CYP2J2: variants seen among roughly 807,000 people sequenced by gnomAD.
CYP2J2 encodes the protein cytochrome P450 family 2 subfamily J member 2, also known as cytochrome P450 2J2.
In CYP2J2, 41 loss-of-function variants were observed where a neutral mutation model predicts 48.8. That is an observed-to-expected ratio of 0.84 (90% CI 0.66 to 1.09). The LOEUF is 1.09. CYP2J2 is among the 50% of genes least tolerant of loss of function. The pLI, the probability that CYP2J2 is intolerant of heterozygous loss-of-function variation, is 0.00. For synonymous variants in CYP2J2, 221 were observed against 227.1 expected, an observed-to-expected ratio of 0.97 and a Z score of 0.24; for missense variants, 644 against 617.3, an observed-to-expected ratio of 1.04 and a Z score of -0.46.
intron 2 of CYP2J2, 119 bp from the exon 3 acceptor site, chr1:59,912,430 C>G: frequency 9.2e-7 from 1 of 1,084,560 alleles, no homozygotes; most frequent in Non-Finnish European, 1.3e-6. Context: ...CACTTGAAAA[C>G]TGCCCAGAGA....
At chr1:59,903,012 G>T (rs537522736) in intron 7 of CYP2J2, among the ~76,000 whole-genome samples, 3 of 152,320 alleles carry the variant, frequency 2.0e-5, no homozygotes, top group African/African-American at 4.8e-5. Flanking sequence ...ACAAAAATCA[G>T]CAGCAGCAGA....
In CYP2J2 at chr1:59,907,764, G is replaced by T. The variant is rs1432625510; in HGVS notation, c.1003+22C>A. ...GAGGCACTATTCTGTCCTGGTTCAG[G>T]CTTACTCACTGACATGCTCACCTTG... On this transcript the variant is annotated intron_variant, in intron 6 of 8. Transcript: ENST00000371204. 1.9e-6 allele frequency: 3 copies of T among 1,613,402 alleles called. No homozygotes were observed. In the African/African-American group the frequency reaches 4.0e-5, roughly 22 times the overall value.
intron 8 of CYP2J2, among the ~76,000 whole-genome samples, chr1:59,894,827 G>C (rs1183603858): frequency 3.3e-5 from 5 of 152,124 alleles, no homozygotes; most frequent in Non-Finnish European, 5.9e-5. Flanking sequence ...AAAAACAGGA[G>C]AATACAATTT....
At chr1:59,937,555 C>T in the CYP2J2 span, among the ~76,000 whole-genome samples, 1 of 152,146 alleles carries the variant, frequency 6.6e-6, no homozygotes, top group Non-Finnish European at 1.5e-5. Context: ...ATCTGCTTAG[C>T]GTTCTATAAT....
intron 1 of CYP2J2, among the ~76,000 whole-genome samples, chr1:59,924,217 AGAAATGAAGGT>A (rs1644543402): frequency 6.6e-6 from 1 of 152,200 alleles, no homozygotes; most frequent in Non-Finnish European, 1.5e-5. Flanking sequence ...AATATACTTC[AGAAATGAAGGT>A]GAAATAAATA....
chr1:59,895,598 C>T (rs895051470), intron 8 of CYP2J2, among the ~76,000 whole-genome samples: 2 of 152,032 alleles, frequency 1.3e-5, no homozygotes, highest in Non-Finnish European at 2.9e-5. Context: ...GTGATCCATT[C>T]TTTTCCATTG....
the CYP2J2 span, among the ~76,000 whole-genome samples, chr1:59,952,307 C>CT: frequency 0.1 from 13,939 of 139,794 alleles, 1,591 homozygotes; most frequent in African/African-American, 0.28. Context: ...TATGCGTATG[C>CT]TTTTTTTTTT....
chr1:59,957,066 C>A, the CYP2J2 span, among the ~76,000 whole-genome samples: 2 of 152,110 alleles, frequency 1.3e-5, no homozygotes, highest in Admixed American at 6.5e-5. Context: ...CATGACAGAG[C>A]CCCCCACTTG....
intron 3 of CYP2J2, among the ~76,000 whole-genome samples, 184 bp from the exon 4 acceptor site, chr1:59,911,952 T>C (rs1000567188): frequency 6.6e-6 from 1 of 152,244 alleles, no homozygotes; most frequent in African/African-American, 2.4e-5. Context: ...GAAGTCAAAC[T>C]GCGGACCAGG....
At chr1:59,949,743 G>A in the CYP2J2 span, among the ~76,000 whole-genome samples, 4 of 148,324 alleles carry the variant, frequency 2.7e-5, no homozygotes, top group East Asian at 2.0e-4. Context: ...ATTTTATTGA[G>A]TGGAAGTAGC....
intron 8 of CYP2J2, among the ~76,000 whole-genome samples, chr1:59,896,188 C>T (rs887345578): frequency 2.0e-5 from 3 of 152,022 alleles, no homozygotes; most frequent in Non-Finnish European, 4.4e-5. Flanking sequence ...ATTAGGCATG[C>T]TCATTGCTCT....
intron 6 of CYP2J2, among the ~76,000 whole-genome samples, chr1:59,906,188 A>G (rs977904747): frequency 2.0e-5 from 3 of 152,138 alleles, no homozygotes; most frequent in African/African-American, 7.2e-5. Context: ...AAAAGAATAT[A>G]TTTTCCAGGT....
chr1:59,956,369 T>C, the CYP2J2 span, among the ~76,000 whole-genome samples: 1 of 152,142 alleles, frequency 6.6e-6, no homozygotes, highest in African/African-American at 2.4e-5. Context: ...GAAATTATAG[T>C]GTGCTCCTGA....
chr1:59,908,208 T>TG lies in CYP2J2; in HGVS notation c.862-282dup, dbSNP rs1199923637. ...AGCTTTTAGTACAGTGAAAGGAGAA[T>TG]GGGATGTGAACGAGACAGATTTGGC... is the stretch of plus-strand genomic sequence containing the variant. On this transcript the variant is annotated intron_variant, in intron 5 of 8. Coordinates refer to ENST00000371204, the MANE Select transcript of CYP2J2 (RefSeq NM_000775.4). Among the ~76,000 whole-genome samples the TG allele has an allele frequency of 1.2e-4, 19 of 152,242 alleles. 1 individual carries two copies. The highest frequency in any genetic ancestry group is 3.4e-3 in the Middle Eastern group (1 of 294).
intron 1 of CYP2J2, among the ~76,000 whole-genome samples, chr1:59,916,675 A>G (rs1241525749): frequency 1.3e-5 from 2 of 152,108 alleles, no homozygotes; most frequent in East Asian, 3.9e-4. Context: ...TGAGCCTGCA[A>G]TGAGCCATGA....
chr1:59,916,350 A>G (rs929816517), intron 1 of CYP2J2, among the ~76,000 whole-genome samples: 2 of 152,262 alleles, frequency 1.3e-5, no homozygotes, highest in African/African-American at 4.8e-5. Context: ...TTCTTTATAA[A>G]TATCTATTTA....
the CYP2J2 span, among the ~76,000 whole-genome samples, chr1:59,967,813 T>G: frequency 6.6e-6 from 1 of 152,234 alleles, no homozygotes; most frequent in African/African-American, 2.4e-5. Flanking sequence ...GCCTTTTAAA[T>G]AAAATTGTTT....
intron 4 of CYP2J2, among the ~76,000 whole-genome samples, chr1:59,910,767 C>T (rs1039074150): frequency 6.6e-6 from 1 of 152,124 alleles, no homozygotes; most frequent in Non-Finnish European, 1.5e-5. Context: ...CCCCCTCCCC[C>T]CAGCTCCCAG....
At chr1:59,936,985 T>C in the CYP2J2 span, among the ~76,000 whole-genome samples, 2 of 152,258 alleles carry the variant, frequency 1.3e-5, no homozygotes, top group East Asian at 1.9e-4. Context: ...AGCTCAGGCA[T>C]AGGGTAAGCT....
Sources: allele counts gnomAD v4.1 joint callset (sites outside exome capture counted in the v4.1 genomes callset), GRCh38; gene constraint gnomAD v4.1.1; transcripts MANE v1.5; gene names NCBI Gene and HGNC (gene_info 2026-07-23, HGNC 2026-07-21).